Variants in LONP1 observed in about 807,000 individuals in gnomAD.
LONP1 encodes the protein lon protease homolog, mitochondrial.
A neutral mutation model predicts 98.5 loss-of-function variants in LONP1; 31 were observed. The observed-to-expected ratio is 0.31, with a 90% CI of 0.24 to 0.42. The LOEUF (loss-of-function observed/expected upper bound fraction) is 0.42. Ranked by LOEUF, LONP1 falls within the 20% of genes least tolerant of loss-of-function variation. LONP1 has a pLI of 1.00. For missense variants in LONP1, 1,336 were observed against 1,350.6 expected, an observed-to-expected ratio of 0.99 and a Z score of 0.17; for synonymous variants, 781 against 594.7, an observed-to-expected ratio of 1.31 and a Z score of -4.56.
At chr19:5,707,256 A>T (rs1048735202) in intron 6 of LONP1, 113 bp from the exon 7 acceptor site, 6 of 812,108 alleles carry the variant, frequency 7.4e-6, no homozygotes, top group African/African-American at 1.7e-5. Context: ...GGACCTGGCC[A>T]TGCTGTACCC....
intron 14 of LONP1, 86 bp from the exon 15 acceptor site, chr19:5,694,638 C>CGCGGGGTGGTGGGGTGAT: frequency 2.0e-6 from 3 of 1,522,918 alleles, no homozygotes; most frequent in Non-Finnish European, 2.7e-6. Flanking sequence ...AAAGGTGTGA[C>CGCGGGGTGGTGGGGTGAT]GGGCGCGGGG....
upstream of LONP1, chr19:5,720,237 G>T: frequency 2.2e-6 from 3 of 1,366,176 alleles, no homozygotes; most frequent in South Asian, 3.4e-5. Context: ...CGCGTGGCTC[G>T]AAACAGCCGC....
intron 8 of LONP1, among the ~76,000 whole-genome samples, chr19:5,701,164 G>A (rs1409803618): frequency 6.6e-6 from 1 of 152,192 alleles, no homozygotes; most frequent in African/African-American, 2.4e-5. Context: ...ACAATTTACA[G>A]GCCAGGCACA....
upstream of LONP1, chr19:5,720,270 G>A: frequency 8.2e-7 from 1 of 1,224,032 alleles, no homozygotes; most frequent in Non-Finnish European, 1.1e-6. Flanking sequence ...GGCCTACGCG[G>A]AGAAGAGGGG....
intron 8 of LONP1, among the ~76,000 whole-genome samples, chr19:5,701,473 G>GGC (rs1475778279): frequency 6.6e-6 from 1 of 152,218 alleles, no homozygotes; most frequent in Non-Finnish European, 1.5e-5. Context: ...TGCGATTGCA[G>GGC]GCGCGCGCCG....
intron 1 of LONP1, among the ~76,000 whole-genome samples, chr19:5,716,655 A>T (rs2055329216): frequency 6.6e-6 from 1 of 152,032 alleles, no homozygotes; most frequent in Admixed American, 6.6e-5. Flanking sequence ...TAGAGACAGA[A>T]CGCTTGTACC....
chr19:5,718,183 G>T (rs1409330255), intron 1 of LONP1, among the ~76,000 whole-genome samples: 4 of 151,944 alleles, frequency 2.6e-5, no homozygotes, highest in African/African-American at 9.7e-5. Flanking sequence ...TCAACATCAA[G>T]GAAAGGCCTT....
At position 5,718,375 on chromosome 19, in the gene LONP1, G is replaced by T. The variant is rs568955502; in HGVS notation, c.429+1329C>A. On this transcript the variant is annotated intron_variant, in intron 1 of 17. Transcript: ENST00000360614. ...CGCCTGTAATCCCAGCTACTCAGGG[G>T]GCTGAGGCAGGAGAATCACTTGAAC... Among the ~76,000 whole-genome samples, 530 of 152,054 alleles carry T rather than the reference G, an allele frequency of 3.5e-3. 1 individual carries two copies. The highest frequency in any genetic ancestry group is 0.012 in the African/African-American group (506 of 41,456).
At chr19:5,701,850 G>A (rs546406607) in intron 8 of LONP1, among the ~76,000 whole-genome samples, 29 of 151,456 alleles carry the variant, frequency 1.9e-4, no homozygotes, top group Middle Eastern at 3.4e-3. Flanking sequence ...GGTGAGGAGC[G>A]TCTCTGCCCG....
intron 17 of LONP1, 122 bp downstream of exon 17, chr19:5,693,176 G>C: frequency 1.6e-6 from 2 of 1,252,960 alleles, no homozygotes; most frequent in Non-Finnish European, 2.2e-6. Flanking sequence ...AGAGAGACCT[G>C]CTTCCAAAGC....
chr19:5,693,604 G>T lies in LONP1; in HGVS notation c.2486C>A (p.Ala829Asp). Residue 829 changes from alanine (A) to aspartate (D), a missense_variant, in exon 16 of 18, where the codon GCC (alanine) becomes GAC (aspartate). By Grantham distance (126) the Ala-to-Asp change is moderately radical (BLOSUM62 -2). Transcript: ENST00000360614. The stretch of plus-strand genomic sequence containing the variant: ...GGTCACCAGGTAGTCATTGGCGGGG[G>T]CGTGCTGCATGAGGAAGGCTCTGGC... ...TFARAFLMQHAPANDYLVTSH... is the reference protein window; with the variant it reads ...TFARAFLMQHDPANDYLVTSH... 1 of 1,614,102 alleles carries T rather than the reference G, an allele frequency of 6.2e-7. No homozygotes were observed. Among genetic ancestry groups the T allele is most frequent in the South Asian group, 1.1e-5 (1 of 91,086 alleles).
chr19:5,702,561 C>T (rs2055073384), intron 8 of LONP1, among the ~76,000 whole-genome samples: 1 of 151,528 alleles, frequency 6.6e-6, no homozygotes, highest in Admixed American at 6.6e-5. Context: ...GCCATGATGA[C>T]AATGGCAGTT....
chr19:5,696,646 G>A (rs1035965117), intron 11 of LONP1, 24 bp downstream of exon 11: 3 of 1,552,204 alleles, frequency 1.9e-6, no homozygotes, highest in East Asian at 2.3e-5. Context: ...GGGTTAGGGG[G>A]TCTCCGGGCC....
Position 5,706,785 on chromosome 19 carries a change from G to C in LONP1, c.1146+275C>G, listed in dbSNP as rs139626526. On this transcript the variant is annotated intron_variant, in intron 7 of 17. Transcript: ENST00000360614. ...TGTCCCCAAGATTACAAAGGCAAAG[G>C]AATTCTTCCCTTAATGTTGGACGGT... Among the ~76,000 whole-genome samples, 332 of 152,266 alleles carry C rather than the reference G, an allele frequency of 2.2e-3. 2 individuals carry two copies. The highest frequency in any genetic ancestry group is 7.7e-3 in the African/African-American group (318 of 41,544).
intron 4 of LONP1, among the ~76,000 whole-genome samples, chr19:5,710,817 G>A (rs749837642): frequency 1.3e-5 from 2 of 152,148 alleles, no homozygotes; most frequent in South Asian, 4.1e-4. Flanking sequence ...CCCGAGGTCA[G>A]GAGTTTGAGA....
Position 5,694,759 on chromosome 19 carries a change from A to G in LONP1, c.2154+2T>C. The G allele has an allele frequency of 6.3e-7, 1 of 1,586,578 alleles. No individual in the cohort carries two copies. Among genetic ancestry groups the G allele is most frequent in the Admixed American group, 1.7e-5 (1 of 59,500 alleles). ...TGCCAGGAGGGCGGGCTGGCCGCTC[A>G]CCTTCTCCACTTGCTTCTGCAGGTT... On this transcript the variant is annotated splice_donor_variant, in intron 14 of 17. Coordinates refer to ENST00000360614, the MANE Select transcript of LONP1 (RefSeq NM_004793.4). LOFTEE classifies it high-confidence loss of function.
At chr19:5,719,610 G>A (rs2055392621) in intron 1 of LONP1, 94 bp downstream of exon 1, 9 of 1,590,210 alleles carry the variant, frequency 5.7e-6, no homozygotes, top group Non-Finnish European at 7.7e-6. Flanking sequence ...GTCTGAAAAA[G>A]TTGCGAAACA....
intron 11 of LONP1, 35 bp from the exon 12 acceptor site, chr19:5,696,406 G>T (rs371593829): frequency 1.2e-6 from 2 of 1,605,124 alleles, no homozygotes; most frequent in Non-Finnish European, 1.7e-6. Flanking sequence ...GCCCCTCGCC[G>T]TGCCCCTGGC....
intron 9 of LONP1, among the ~76,000 whole-genome samples, chr19:5,700,391 G>A (rs2055018175): frequency 6.6e-6 from 1 of 152,206 alleles, no homozygotes; most frequent in East Asian, 1.9e-4. Flanking sequence ...GGGATTACAG[G>A]CATGAGCCAC....
Sources: gnomAD v4.1 joint callset for allele counts (sites outside exome capture counted in the v4.1 genomes callset) on GRCh38, gnomAD v4.1.1 for gene constraint, MANE v1.5 for transcripts, NCBI Gene and HGNC (gene_info 2026-07-23, HGNC 2026-07-21) for gene names.